The following CDH18 variants were observed in gnomAD, a reference collection of about 807,000 sequenced individuals.
CDH18 encodes the protein cadherin-18.
Under a neutral mutation model 67.9 loss-of-function variants are expected in CDH18, and 31 were observed. The observed-to-expected ratio is 0.46, with a 90% CI of 0.34 to 0.62. CDH18 has a LOEUF of 0.62. CDH18 is among the 20% of genes least tolerant of loss of function. The probability of loss-of-function intolerance (pLI) is 0.01; values close to 1 mark genes in which losing one functional copy is unlikely to be tolerated. For missense variants in CDH18, 890 were observed against 975.5 expected, an observed-to-expected ratio of 0.91 and a Z score of 1.17; for synonymous variants, 362 against 347.2, an observed-to-expected ratio of 1.04 and a Z score of -0.48.
At chr5:20,367,845 T>C (rs562502035) in intron 1 of CDH18, among the ~76,000 whole-genome samples, 53 of 152,366 alleles carry the variant, frequency 3.5e-4, no homozygotes, top group Non-Finnish European at 6.9e-4. Context: ...GTATTTGTTT[T>C]ACTTCCACAA....
intron 2 of CDH18, among the ~76,000 whole-genome samples, chr5:19,917,926 G>A (rs1230234442): frequency 6.6e-6 from 1 of 152,038 alleles, no homozygotes; most frequent in Non-Finnish European, 1.5e-5. Flanking sequence ...TCCTTATTGG[G>A]CAAATACCAA....
intron 1 of CDH18, among the ~76,000 whole-genome samples, chr5:20,549,578 A>G (rs1226117825): frequency 6.6e-6 from 1 of 152,174 alleles, no homozygotes; most frequent in Non-Finnish European, 1.5e-5. Context: ...TCTTGAGCCC[A>G]TAGGGAAACA....
intron 1 of CDH18, among the ~76,000 whole-genome samples, chr5:20,444,570 C>A (rs1423460711): frequency 6.6e-6 from 1 of 152,224 alleles, no homozygotes; most frequent in Non-Finnish European, 1.5e-5. Context: ...AAACAAAAAT[C>A]CTCTCTTAGT....
intron 1 of CDH18, among the ~76,000 whole-genome samples, chr5:20,544,171 AAC>A (rs1757207628): frequency 6.6e-6 from 1 of 151,472 alleles, no homozygotes; most frequent in African/African-American, 2.4e-5. Flanking sequence ...ACATATTACA[AAC>A]ACAGAAATTT....
rs76128748 is a variant in CDH18 at position 19,654,643 on chromosome 5, G to A, written c.644-42042C>T. On this transcript the variant is annotated intron_variant, in intron 5 of 12. Coordinates refer to ENST00000382275, the MANE Select transcript of CDH18 (RefSeq NM_004934.5). ...GCTACTGTGCTCTTTTAGCTTTGCT[G>A]CTCACTGATGGCTTAAGTGATAACC... Among the ~76,000 whole-genome samples, 1,215 of 152,250 alleles carry A rather than the reference G, an allele frequency of 8.0e-3. 7 individuals are homozygous for A. Among genetic ancestry groups the A allele is most frequent in the African/African-American group, 0.017 (711 of 41,552 alleles).
intron 2 of CDH18, among the ~76,000 whole-genome samples, chr5:19,912,291 G>A (rs192389712): frequency 2.7e-3 from 409 of 152,218 alleles, no homozygotes; most frequent in Non-Finnish European, 4.4e-3. Flanking sequence ...ATCACATGAA[G>A]TTTCCTTAAA....
intron 1 of CDH18, among the ~76,000 whole-genome samples, chr5:20,398,721 A>G (rs985147670): frequency 1.3e-5 from 2 of 151,946 alleles, no homozygotes; most frequent in African/African-American, 4.8e-5. Flanking sequence ...AACCATGTAA[A>G]AAACCACCAC....
At chr5:20,252,880 G>T (rs1743962965) in intron 2 of CDH18, among the ~76,000 whole-genome samples, 1 of 151,096 alleles carries the variant, frequency 6.6e-6, no homozygotes. Flanking sequence ...AGCTTGTAGT[G>T]AGCCGAGATT....
chr5:20,007,829 T>C (rs1270089943), intron 2 of CDH18, among the ~76,000 whole-genome samples: 1 of 151,942 alleles, frequency 6.6e-6, no homozygotes, highest in Non-Finnish European at 1.5e-5. Context: ...ATATGAAGAT[T>C]ATATAAAATT....
At chr5:20,483,380 A>C (rs574555904) in intron 1 of CDH18, among the ~76,000 whole-genome samples, 1 of 152,158 alleles carries the variant, frequency 6.6e-6, no homozygotes, top group South Asian at 2.1e-4. Flanking sequence ...TTCCTACCAA[A>C]ATAACAATAA....
intron 10 of CDH18, among the ~76,000 whole-genome samples, chr5:19,519,217 G>A (rs890534220): frequency 6.6e-6 from 1 of 151,942 alleles, no homozygotes; most frequent in Non-Finnish European, 1.5e-5. Flanking sequence ...TAACAACAGT[G>A]AACATGAAAA....
At chr5:19,847,216 C>T (rs1011268962) in intron 2 of CDH18, among the ~76,000 whole-genome samples, 2 of 152,072 alleles carry the variant, frequency 1.3e-5, no homozygotes, top group African/African-American at 2.4e-5. Flanking sequence ...TAAGTAAACT[C>T]ATTGATCTTT....
At chr5:19,881,936 C>A (rs1787705182) in intron 2 of CDH18, among the ~76,000 whole-genome samples, 1 of 152,028 alleles carries the variant, frequency 6.6e-6, no homozygotes, top group Non-Finnish European at 1.5e-5. Flanking sequence ...AACAGGGGAA[C>A]AAATTTTTGG....
chr5:20,163,017 C>T (rs1485538430), intron 2 of CDH18, among the ~76,000 whole-genome samples: 1 of 151,818 alleles, frequency 6.6e-6, no homozygotes, highest in Non-Finnish European at 1.5e-5. Context: ...TGAGATCGCG[C>T]CAGTGCACTC....
intron 5 of CDH18, among the ~76,000 whole-genome samples, chr5:19,712,427 G>A (rs985774821): frequency 6.6e-6 from 1 of 152,070 alleles, no homozygotes; most frequent in South Asian, 2.1e-4. Flanking sequence ...GAGAAGAAAT[G>A]CCATATGAAC....
chr5:19,537,463 TACAC>T (rs144638686), intron 9 of CDH18, among the ~76,000 whole-genome samples: 1 of 150,804 alleles, frequency 6.6e-6, no homozygotes, highest in Non-Finnish European at 1.5e-5. Flanking sequence ...ACATACACAT[TACAC>T]ACACACACAC....
intron 1 of CDH18, among the ~76,000 whole-genome samples, chr5:20,551,158 T>C (rs1271327674): frequency 6.6e-6 from 1 of 152,188 alleles, no homozygotes; most frequent in African/African-American, 2.4e-5. Context: ...CTTTCTGATA[T>C]GAAACCAGCT....
chr5:20,279,725 A>AAAC (rs1746091685), intron 1 of CDH18, among the ~76,000 whole-genome samples: 3 of 128,788 alleles, frequency 2.3e-5, no homozygotes, highest in African/African-American at 1.0e-4. Context: ...AAAAAAAAAA[A>AAAC]AAAGCAAAAA....
intron 2 of CDH18, among the ~76,000 whole-genome samples, chr5:20,059,284 C>T (rs1349934149): frequency 6.6e-6 from 1 of 152,036 alleles, no homozygotes; most frequent in Non-Finnish European, 1.5e-5. Context: ...AAACCAGCTC[C>T]TGGATTCATG....
Sources: gnomAD v4.1 joint callset for allele counts (sites outside exome capture counted in the v4.1 genomes callset) on GRCh38, gnomAD v4.1.1 for gene constraint, MANE v1.5 for transcripts, NCBI Gene and HGNC (gene_info 2026-07-23, HGNC 2026-07-21) for gene names.